Variants in GLRB observed in about 807,000 individuals in gnomAD.
GLRB encodes glycine receptor beta, also known as glycine receptor subunit beta.
A neutral mutation model predicts 54.2 loss-of-function variants in GLRB; 33 were observed. The ratio of observed to expected loss-of-function variants is 0.61; its 90% CI spans 0.46 to 0.81. The LOEUF (loss-of-function observed/expected upper bound fraction) is 0.81. Among genes scored for constraint, GLRB ranks in the 40% least tolerant of loss-of-function variants. GLRB has a pLI of 0.00. For synonymous variants in GLRB, 209 were observed against 208.2 expected, an observed-to-expected ratio of 1.00 and a Z score of -0.03; for missense variants, 572 against 584.6, an observed-to-expected ratio of 0.98 and a Z score of 0.22.
intron 8 of GLRB, among the ~76,000 whole-genome samples, chr4:157,152,342 TCAAA>T (rs1208839825): frequency 1.3e-5 from 2 of 152,126 alleles, no homozygotes; most frequent in African/African-American, 2.4e-5. Context: ...GAAATCTTTC[TCAAA>T]CAAAGCTGAA....
intron 4 of GLRB, among the ~76,000 whole-genome samples, chr4:157,127,984 A>AT (rs1245761650): frequency 6.6e-6 from 1 of 151,652 alleles, no homozygotes; most frequent in Non-Finnish European, 1.5e-5. Flanking sequence ...TTTGTTAGTA[A>AT]TTTTTTTCCT....
intron 4 of GLRB, among the ~76,000 whole-genome samples, chr4:157,126,938 T>C (rs1043062916): frequency 2.0e-5 from 3 of 151,928 alleles, no homozygotes; most frequent in African/African-American, 7.2e-5. Flanking sequence ...TATATTGAAT[T>C]ATTATTGCAC....
In GLRB at chr4:157,136,533, A is replaced by AT. The variant is rs1445523513; in HGVS notation, c.366dup (p.Arg123Ter). On this transcript the variant is annotated frameshift_variant, in exon 5 of 10. Coordinates refer to ENST00000264428, the MANE Select transcript of GLRB (RefSeq NM_000824.5). LOFTEE classifies it high-confidence loss of function. ...GACCCCAGGCTGAAGCTCCCCAGTGATTTTAGGGGTTCAGATGCACTGACA... is the reference window on the plus strand; with the variant it reads ...GACCCCAGGCTGAAGCTCCCCAGTGATTTTTAGGGGTTCAGATGCACTGACA... The AT allele has an allele frequency of 6.2e-7, 1 of 1,613,286 alleles. No homozygotes were observed.
chr4:157,149,154 C>T (rs1206601152), intron 8 of GLRB, among the ~76,000 whole-genome samples: 1 of 152,022 alleles, frequency 6.6e-6, no homozygotes, highest in Non-Finnish European at 1.5e-5. Context: ...TTTGTTATGG[C>T]CTGTAGTTTT....
At chr4:157,167,427 G>C (rs532375599) in intron 9 of GLRB, among the ~76,000 whole-genome samples, 1 of 152,298 alleles carries the variant, frequency 6.6e-6, no homozygotes, top group South Asian at 2.1e-4. Flanking sequence ...CTGATGTTCT[G>C]TCTGTAACAA....
At chr4:157,167,021 C>G (rs1737735382) in intron 9 of GLRB, among the ~76,000 whole-genome samples, 1 of 151,944 alleles carries the variant, frequency 6.6e-6, no homozygotes, top group Non-Finnish European at 1.5e-5. Context: ...TAAAACCACA[C>G]CTAAAATGAT....
At chr4:157,158,104 T>C (rs1737306932) in intron 9 of GLRB, among the ~76,000 whole-genome samples, 1 of 152,342 alleles carries the variant, frequency 6.6e-6, no homozygotes, top group South Asian at 2.1e-4. Flanking sequence ...TGAGCATTTT[T>C]TCATGTGTCT....
intron 3 of GLRB, among the ~76,000 whole-genome samples, chr4:157,122,080 A>G (rs79058545): frequency 0.031 from 4,601 of 148,392 alleles, 112 homozygotes; most frequent in African/African-American, 0.069. Context: ...AATTTAAGAC[A>G]TAATTCTTCC....
chr4:157,118,920 T>A (rs1160522110), intron 2 of GLRB, among the ~76,000 whole-genome samples: 2 of 151,614 alleles, frequency 1.3e-5, no homozygotes, highest in Non-Finnish European at 3.0e-5. Flanking sequence ...CTTGTGATTG[T>A]CATGGATTTT....
chr4:157,084,806 G>A, intron 2 of GLRB: 1 of 399,934 alleles, frequency 2.5e-6, no homozygotes, highest in Non-Finnish European at 4.9e-6. Flanking sequence ...TTCCTATTCT[G>A]ACTGTTTTGT....
chr4:157,123,933 T>G (rs1337633509), intron 4 of GLRB, among the ~76,000 whole-genome samples: 1 of 151,648 alleles, frequency 6.6e-6, no homozygotes, highest in Admixed American at 6.6e-5. Flanking sequence ...GCAAGGATCT[T>G]TTTTTCTTCT....
intron 9 of GLRB, among the ~76,000 whole-genome samples, chr4:157,157,680 T>C (rs888603747): frequency 6.6e-6 from 1 of 152,228 alleles, no homozygotes; most frequent in African/African-American, 2.4e-5. Flanking sequence ...TCATCCTTTT[T>C]ATGGCTGCAT....
rs777726270 is a variant in GLRB, at chr4:157,078,158, A to G, written c.122+12A>G. The G allele has an allele frequency of 6.2e-7, 1 of 1,611,858 alleles. No homozygotes were observed. Among genetic ancestry groups the G allele is most frequent in the Non-Finnish European group, 8.5e-7 (1 of 1,178,324 alleles). On this transcript the variant is annotated intron_variant, in intron 2 of 9. Transcript: ENST00000264428. ...TATCTATGCCCATCGTATGTTCTTC[A>G]TGTCTTATATTCTTATATGGAGAAA... is the stretch of plus-strand genomic sequence containing the variant.
intron 9 of GLRB, among the ~76,000 whole-genome samples, chr4:157,154,694 T>G (rs1018400560): frequency 1.1e-4 from 16 of 152,324 alleles, no homozygotes; most frequent in African/African-American, 3.8e-4. Flanking sequence ...CCCAAAGTGC[T>G]GGGATTACAG....
At chr4:157,099,912 G>T (rs920297857) in intron 2 of GLRB, among the ~76,000 whole-genome samples, 3 of 152,066 alleles carry the variant, frequency 2.0e-5, no homozygotes, top group African/African-American at 7.2e-5. Flanking sequence ...CTTGATGATT[G>T]ATGTTATTGA....
At chr4:157,164,913 T>G (rs1321822777) in intron 9 of GLRB, among the ~76,000 whole-genome samples, 1 of 152,118 alleles carries the variant, frequency 6.6e-6, no homozygotes, top group Admixed American at 6.6e-5. Flanking sequence ...AAATAAAAGT[T>G]AAACACATAT....
chr4:157,107,869 C>T (rs1174015170), intron 2 of GLRB, among the ~76,000 whole-genome samples: 1 of 152,092 alleles, frequency 6.6e-6, no homozygotes, highest in South Asian at 2.1e-4. Flanking sequence ...AGTCAAAGAA[C>T]AGGCTAACAC....
intron 9 of GLRB, among the ~76,000 whole-genome samples, chr4:157,163,133 G>A (rs1737576601): frequency 6.6e-6 from 1 of 152,200 alleles, no homozygotes; most frequent in South Asian, 2.1e-4. Flanking sequence ...GACCCTCCGA[G>A]CCACGCATGG....
Position 157,147,991 on chromosome 4 carries a change from C to T in GLRB, c.904+4032C>T, listed in dbSNP as rs559816153. Among the ~76,000 whole-genome samples, 8 of 152,256 alleles carry T rather than the reference C, an allele frequency of 5.3e-5. No homozygotes were observed. In the South Asian group the frequency reaches 1.7e-3, roughly 32 times the overall value. On this transcript the variant is annotated intron_variant, in intron 8 of 9. Coordinates refer to ENST00000264428, the MANE Select transcript of GLRB (RefSeq NM_000824.5). Reference sequence around the variant, plus strand: ...AAAATAGATGGGTCAGATTGGCCTACAGGTCATAGTTTGCTGATCCCTGGT... The same window carrying T: ...AAAATAGATGGGTCAGATTGGCCTATAGGTCATAGTTTGCTGATCCCTGGT...
Sources: gnomAD v4.1 joint callset for allele counts (sites outside exome capture counted in the v4.1 genomes callset) on GRCh38, gnomAD v4.1.1 for gene constraint, MANE v1.5 for transcripts, NCBI Gene and HGNC (gene_info 2026-07-23, HGNC 2026-07-21) for gene names.